SNAPC3: variants seen among roughly 807,000 people sequenced by gnomAD.
The protein encoded by SNAPC3 is snRNA-activating protein complex subunit 3.
In SNAPC3, 56 loss-of-function variants were observed where a neutral mutation model predicts 47.7. That is an observed-to-expected ratio of 1.18 (90% CI 0.95 to 1.47). The LOEUF (loss-of-function observed/expected upper bound fraction) is 1.47. Among genes scored for constraint, SNAPC3 ranks in the 40% most tolerant of loss-of-function variants. SNAPC3 has a pLI of 0.00. For synonymous variants in SNAPC3, 235 were observed against 189.9 expected (o/e 1.24, Z -1.95); for missense variants, 665 against 511.3 (o/e 1.30, Z -2.90).
intron 3 of SNAPC3, among the ~76,000 whole-genome samples, chr9:15,439,238 T>A (rs1184041911): frequency 6.6e-6 from 1 of 152,216 alleles, no homozygotes; most frequent in African/African-American, 2.4e-5. Context: ...CTTGAACTCT[T>A]GGACTCAAGC....
At chr9:15,457,140 G>A (rs987918925) in intron 7 of SNAPC3, among the ~76,000 whole-genome samples, 1 of 151,964 alleles carries the variant, frequency 6.6e-6, no homozygotes, top group Non-Finnish European at 1.5e-5. Flanking sequence ...TCATAATTCT[G>A]ATACTTAAAA....
chr9:15,444,104 A>G (rs2033736063), intron 3 of SNAPC3, among the ~76,000 whole-genome samples: 1 of 152,194 alleles, frequency 6.6e-6, no homozygotes, highest in South Asian at 2.1e-4. Flanking sequence ...TAGCACACAT[A>G]AAAGATCAAA....
At chr9:15,448,112 GT>G (rs2034086016) in intron 5 of SNAPC3, among the ~76,000 whole-genome samples, 1 of 152,184 alleles carries the variant, frequency 6.6e-6, no homozygotes, top group Non-Finnish European at 1.5e-5. Context: ...CTAGAGATAA[GT>G]AAAAAGATAT....
intron 3 of SNAPC3, among the ~76,000 whole-genome samples, chr9:15,436,557 T>C (rs1412398070): frequency 6.6e-6 from 1 of 152,192 alleles, no homozygotes; most frequent in Non-Finnish European, 1.5e-5. Flanking sequence ...TTGTAGTAAA[T>C]TTTGAAATCA....
At position 15,457,962 on chromosome 9, in the gene SNAPC3, T is replaced by TTG; in HGVS notation, c.986_987dup (p.His330CysfsTer37). On this transcript the variant is annotated frameshift_variant, in exon 8 of 9. Coordinates refer to ENST00000380821, the MANE Select transcript of SNAPC3 (RefSeq NM_001039697.2). LOFTEE classifies it high-confidence loss of function. Reference sequence around the variant, plus strand: ...CTTTATTTTCCCACGAACAAAAGGCTTGTGCATCATGATGACTGCTTGGAT... The same window carrying TTG: ...CTTTATTTTCCCACGAACAAAAGGCTTGTGTGCATCATGATGACTGCTTGGAT... 4 of 1,566,632 alleles carry TTG rather than the reference T, an allele frequency of 2.6e-6. No homozygotes were observed. The highest frequency in any genetic ancestry group is 3.5e-6 in the Non-Finnish European group (4 of 1,156,260).
chr9:15,438,949 C>T (rs2033075586), intron 3 of SNAPC3, among the ~76,000 whole-genome samples: 1 of 152,118 alleles, frequency 6.6e-6, no homozygotes, highest in African/African-American at 2.4e-5. Context: ...TTAAAGTCTC[C>T]AACTATTACC....
intron 3 of SNAPC3, among the ~76,000 whole-genome samples, chr9:15,442,794 C>T (rs544144857): frequency 5.3e-5 from 8 of 152,294 alleles, no homozygotes; most frequent in East Asian, 1.9e-4. Flanking sequence ...GCTGCAATCT[C>T]GGCACTTTGG....
chr9:15,463,672 C>A (rs925155467), downstream of SNAPC3: 1 of 151,300 alleles, frequency 6.6e-6, no homozygotes, highest in Non-Finnish European at 1.5e-5. Context: ...GAGAAGTTAT[C>A]TGTAAATCAG....
At chr9:15,458,944 T>C (rs2034997153) in intron 8 of SNAPC3, among the ~76,000 whole-genome samples, 1 of 152,154 alleles carries the variant, frequency 6.6e-6, no homozygotes, top group Non-Finnish European at 1.5e-5. Flanking sequence ...AATATATGCA[T>C]AATATATTTA....
rs201353976 is a variant in SNAPC3 at position 15,423,053 on chromosome 9, C to T, written c.174C>T (p.Ala58=). Residue 58 remains alanine, a synonymous_variant, in exon 1 of 9, where the codon GCC becomes GCT. Transcript: ENST00000380821. ...TGTGGCGGGGCCGTCTGCGCGGGGCCGGGGACTTGTCGCTGAGGGAGCCGC... is the reference window on the plus strand; with the variant it reads ...TGTGGCGGGGCCGTCTGCGCGGGGCTGGGGACTTGTCGCTGAGGGAGCCGC... ...GELWRGRLRG[A]GDLSLREPPA... 5.9e-6 allele frequency: 9 copies of T among 1,517,064 alleles called. No individual in the cohort carries two copies. Among genetic ancestry groups the T allele is most frequent in the East Asian group, 2.6e-5 (1 of 38,914 alleles). The allele number at this position is 1,517,064 out of a possible 1,614,324, so 94.0% of individuals were successfully genotyped here. A position where few individuals can be genotyped will look rare whatever the true frequency, so the allele number is the denominator to read the frequency against.
chr9:15,434,897 T>C (rs2032602904), intron 3 of SNAPC3, among the ~76,000 whole-genome samples: 2 of 152,230 alleles, frequency 1.3e-5, no homozygotes, highest in South Asian at 4.1e-4. Context: ...CTATGAAAAT[T>C]GGTGTACAGA....
downstream of SNAPC3, chr9:15,462,110 C>T (rs780153366): frequency 1.3e-5 from 2 of 152,106 alleles, no homozygotes; most frequent in Non-Finnish European, 2.9e-5. Flanking sequence ...CTCAAAACAC[C>T]AAACTTCAAA....
chr9:15,463,994 T>A (rs941703203), downstream of SNAPC3: 3 of 169,202 alleles, frequency 1.8e-5, no homozygotes, highest in African/African-American at 7.1e-5. Flanking sequence ...TAAGAAATTA[T>A]TTCCTTGGCA....
chr9:15,457,998 AT>A lies in SNAPC3; in HGVS notation c.1020del (p.Leu342SerfsTer24). 1 of 1,598,520 alleles carries A rather than the reference AT, an allele frequency of 6.3e-7. No homozygotes were observed. Among genetic ancestry groups the A allele is most frequent in the Non-Finnish European group, 8.5e-7 (1 of 1,174,886 alleles). The stretch of plus-strand genomic sequence containing the variant: ...GATGACTGCTTGGATAGGACATTGT[AT>A]CCCCTCCTTATCAAGAAGCATTGGC... Reference protein sequence around the residue: ...HHDDCLDRTLYPLLIKKHWLW... With the variant: ...HHDDCLDRTLXPLLIKKHWLW... On this transcript the variant is annotated frameshift_variant, in exon 8 of 9. Coordinates refer to ENST00000380821, the MANE Select transcript of SNAPC3 (RefSeq NM_001039697.2). LOFTEE classifies it high-confidence loss of function.
intron 3 of SNAPC3, among the ~76,000 whole-genome samples, chr9:15,436,841 G>A (rs1401893606): frequency 2.2e-5 from 1 of 45,058 alleles, no homozygotes; most frequent in Non-Finnish European, 4.8e-5. Context: ...TTTTTTTTTT[G>A]AGACGAAGTT....
At chr9:15,434,694 C>G (rs753581704) in intron 3 of SNAPC3, among the ~76,000 whole-genome samples, 6 of 152,154 alleles carry the variant, frequency 3.9e-5, no homozygotes, top group Non-Finnish European at 8.8e-5. Flanking sequence ...TCGTGAGCCA[C>G]AGCACCCAGC....
At chr9:15,441,279 A>T (rs1355402200) in intron 3 of SNAPC3, among the ~76,000 whole-genome samples, 2 of 149,474 alleles carry the variant, frequency 1.3e-5, no homozygotes, top group African/African-American at 4.9e-5. Flanking sequence ...TGACTGAATC[A>T]TGTAGTAGTT....
At position 15,447,645 on chromosome 9, in the gene SNAPC3, T is replaced by C. The variant is rs73417330; in HGVS notation, c.732+401T>C. The stretch of plus-strand genomic sequence containing the variant: ...AAGCAGTTGGTCACTTTTCCATTTT[T>C]ATGTAACTTGACCTCACTGTAGCAT... On this transcript the variant is annotated intron_variant, in intron 5 of 8. Transcript: ENST00000380821. Among the ~76,000 whole-genome samples, 490 of 152,308 alleles carry C rather than the reference T, an allele frequency of 3.2e-3. 4 individuals are homozygous for C. The highest frequency in any genetic ancestry group is 0.011 in the African/African-American group (463 of 41,580).
intron 3 of SNAPC3, among the ~76,000 whole-genome samples, chr9:15,441,857 A>G (rs1348524666): frequency 6.6e-6 from 1 of 152,164 alleles, no homozygotes; most frequent in Non-Finnish European, 1.5e-5. Flanking sequence ...CCCCTTTTCT[A>G]TTCGACAAAA....
Sources: allele counts gnomAD v4.1 joint callset (sites outside exome capture counted in the v4.1 genomes callset), GRCh38; gene constraint gnomAD v4.1.1; transcripts MANE v1.5; gene names NCBI Gene and HGNC (gene_info 2026-07-23, HGNC 2026-07-21).